ITPR1: variants seen among roughly 807,000 people sequenced by gnomAD.
The protein encoded by ITPR1 is inositol 1,4,5-trisphosphate receptor type 1.
ITPR1 carries 96 observed loss-of-function variants against 318.4 expected under a neutral mutation model. That is an observed-to-expected ratio of 0.30 (90% confidence interval 0.26 to 0.36). ITPR1 has a LOEUF of 0.36. Ranked by LOEUF, ITPR1 falls within the 10% of genes least tolerant of loss-of-function variation. ITPR1 has a pLI of 1.00. For missense variants in ITPR1, 2,440 were observed against 3,460.2 expected (o/e 0.71, Z 7.40); for synonymous variants, 1,312 against 1,289.9 (o/e 1.02, Z -0.37).
chr3:4,768,889 T>A (rs13086334), intron 46 of ITPR1, 125 bp downstream of exon 46: 15 of 864,110 alleles, frequency 1.7e-5, no homozygotes, highest in Non-Finnish European at 2.5e-5. Flanking sequence ...AGCAAGGTTC[T>A]TTTTTTTCCT....
At chr3:4,820,212 C>A (rs1218684506) in intron 60 of ITPR1, among the ~76,000 whole-genome samples, 2 of 152,204 alleles carry the variant, frequency 1.3e-5, no homozygotes, top group African/African-American at 4.8e-5. Flanking sequence ...TATACTGACA[C>A]AGACCTGTCC....
intron 44 of ITPR1, among the ~76,000 whole-genome samples, chr3:4,742,763 TTAA>T (rs1476616592): frequency 6.6e-6 from 1 of 152,246 alleles, no homozygotes; most frequent in East Asian, 1.9e-4. Flanking sequence ...TCGGTTCTAA[TTAA>T]TAATATTTTT....
At chr3:4,502,017 GCTTTGT>G (rs1177557241) in intron 2 of ITPR1, among the ~76,000 whole-genome samples, 2 of 152,208 alleles carry the variant, frequency 1.3e-5, no homozygotes, top group Non-Finnish European at 2.9e-5. Context: ...TTCAGAAGGA[GCTTTGT>G]CTGGGAAATG....
At chr3:4,586,651 A>C (rs866744070) in intron 4 of ITPR1, among the ~76,000 whole-genome samples, 1 of 151,560 alleles carries the variant, frequency 6.6e-6, no homozygotes, top group Middle Eastern at 3.4e-3. Flanking sequence ...CTGGGACTGC[A>C]GGCACTGTCC....
chr3:4,652,944 C>T (rs999161032), intron 11 of ITPR1, among the ~76,000 whole-genome samples: 3 of 152,108 alleles, frequency 2.0e-5, no homozygotes, highest in Non-Finnish European at 4.4e-5. Flanking sequence ...CCCGAGATCG[C>T]ACCACTGCAG....
rs1022519087 is a variant in ITPR1 at position 4,544,423 on chromosome 3, C to T, written c.163+23329C>T. On this transcript the variant is annotated intron_variant, in intron 4 of 61. Coordinates refer to ENST00000649015, the MANE Select transcript of ITPR1 (RefSeq NM_001378452.1). ...TCTCAAATGGATGCAAGCAACCATA[C>T]GTATTCACCTGATGCCAGTATTCAC... 3.3e-5 allele frequency among the ~76,000 whole-genome samples: 5 copies of T among 152,174 alleles called. No homozygotes were observed. In the East Asian group the frequency reaches 5.8e-4, roughly 18 times the overall value.
chr3:4,519,046 A>C (rs1018319048), intron 3 of ITPR1, among the ~76,000 whole-genome samples: 2 of 152,158 alleles, frequency 1.3e-5, no homozygotes, highest in Non-Finnish European at 2.9e-5. Context: ...CCCCTCGTTA[A>C]GAATCCCTGA....
intron 40 of ITPR1, among the ~76,000 whole-genome samples, chr3:4,721,533 C>T (rs2042163289): frequency 7.9e-6 from 1 of 127,310 alleles, no homozygotes; most frequent in Non-Finnish European, 1.7e-5. Flanking sequence ...TCGGGCCCAG[C>T]AAACATATTT....
At chr3:4,536,532 C>T (rs1168821729) in intron 4 of ITPR1, among the ~76,000 whole-genome samples, 1 of 152,196 alleles carries the variant, frequency 6.6e-6, no homozygotes, top group African/African-American at 2.4e-5. Context: ...AATAGAAATG[C>T]TCCCTGCCCT....
chr3:4,534,456 G>T (rs304054), intron 4 of ITPR1, among the ~76,000 whole-genome samples: 150,137 of 152,276 alleles, frequency 0.99, 74,062 homozygotes, highest in Middle Eastern at 1. Context: ...ACTGATTTGG[G>T]AGAGATAAGT....
intron 4 of ITPR1, among the ~76,000 whole-genome samples, chr3:4,603,400 A>G (rs1478343544): frequency 1.4e-5 from 2 of 147,348 alleles, no homozygotes; most frequent in Non-Finnish European, 3.0e-5. Context: ...CATATGTACC[A>G]CATTTTCTTT....
At chr3:4,565,412 T>C (rs1644882791) in intron 4 of ITPR1, among the ~76,000 whole-genome samples, 1 of 152,228 alleles carries the variant, frequency 6.6e-6, no homozygotes, top group Non-Finnish European at 1.5e-5. Flanking sequence ...GTCCATTCAA[T>C]GCCTCCCTTG....
At chr3:4,772,273 G>C (rs2046236877) in intron 46 of ITPR1, among the ~76,000 whole-genome samples, 1 of 152,218 alleles carries the variant, frequency 6.6e-6, no homozygotes, top group Non-Finnish European at 1.5e-5. Flanking sequence ...CAGCTTCCTG[G>C]TGTAAAGCAG....
chr3:4,793,461 C>T (rs1316172305), intron 52 of ITPR1, among the ~76,000 whole-genome samples: 2 of 152,246 alleles, frequency 1.3e-5, no homozygotes, highest in African/African-American at 2.4e-5. Flanking sequence ...CGGTTATCAA[C>T]TCTTTGCCAT....
At chr3:4,568,063 G>A (rs1575561542) in intron 4 of ITPR1, among the ~76,000 whole-genome samples, 1 of 152,234 alleles carries the variant, frequency 6.6e-6, no homozygotes, top group Non-Finnish European at 1.5e-5. Context: ...GTGAGGTGGG[G>A]ATGGGAGAGC....
intron 53 of ITPR1, among the ~76,000 whole-genome samples, chr3:4,796,588 T>C (rs1159265274): frequency 6.6e-6 from 1 of 152,210 alleles, no homozygotes; most frequent in African/African-American, 2.4e-5. Context: ...CTTAAAAATA[T>C]TTCAAACAGA....
At chr3:4,677,501 T>A (rs991220409) in intron 24 of ITPR1, among the ~76,000 whole-genome samples, 4 of 152,022 alleles carry the variant, frequency 2.6e-5, no homozygotes, top group Non-Finnish European at 4.4e-5. Flanking sequence ...CACACAGATA[T>A]CTTGGGAAAG....
intron 11 of ITPR1, among the ~76,000 whole-genome samples, chr3:4,652,907 G>C (rs1037860841): frequency 6.6e-6 from 1 of 152,138 alleles, no homozygotes; most frequent in Non-Finnish European, 1.5e-5. Context: ...AGAATCGCTT[G>C]AACACGGGAG....
chr3:4,820,013 C>T (rs9838930), intron 60 of ITPR1, among the ~76,000 whole-genome samples: 81,919 of 151,938 alleles, frequency 0.54, 23,108 homozygotes, highest in East Asian at 0.73. Context: ...GATAGGAAAC[C>T]GGGAGGGTGC....
Sources: allele counts gnomAD v4.1 joint callset (sites outside exome capture counted in the v4.1 genomes callset), GRCh38; gene constraint gnomAD v4.1.1; transcripts MANE v1.5; gene names NCBI Gene and HGNC (gene_info 2026-07-23, HGNC 2026-07-21).